Variants in GLIS3 observed in about 807,000 individuals in gnomAD.
GLIS3 encodes the protein zinc finger protein GLIS3.
A neutral mutation model predicts 78.6 loss-of-function variants in GLIS3; 53 were observed. That is an observed-to-expected ratio of 0.67 (90% CI 0.54 to 0.85). The LOEUF (loss-of-function observed/expected upper bound fraction) is 0.85, where lower values mean the gene tolerates loss of function less well. Among genes scored for constraint, GLIS3 ranks in the 40% least tolerant of loss-of-function variants. The pLI, the probability that GLIS3 is intolerant of heterozygous loss-of-function variation, is 0.00. For missense variants in GLIS3, 1,703 were observed against 1,231.1 expected, an observed-to-expected ratio of 1.38 and a Z score of -5.74; for synonymous variants, 684 against 509.9, an observed-to-expected ratio of 1.34 and a Z score of -4.60.
chr9:3,972,754 T>C (rs1818477642), intron 4 of GLIS3, among the ~76,000 whole-genome samples: 1 of 152,198 alleles, frequency 6.6e-6, no homozygotes, highest in East Asian at 1.9e-4. Context: ...TTCCTGGTAT[T>C]AGTAAGTTTA....
At chr9:3,905,146 TTC>T (rs1214709697) in intron 6 of GLIS3, among the ~76,000 whole-genome samples, 1,752 of 137,182 alleles carry the variant, frequency 0.013, 80 homozygotes, top group African/African-American at 0.047. Flanking sequence ...TTAAATTTTT[TTC>T]TTTTTTTTTT....
At position 4,243,018 on chromosome 9, in the gene GLIS3, T is replaced by C. The variant is rs1014064338; in HGVS notation, c.388+43020A>G. ...CCTTGTATGTACATCAATGAGGTTT[T>C]AGTATATTCCAGATATTCTACCATG... On this transcript the variant is annotated intron_variant, in intron 2 of 10. Transcript: ENST00000381971. Among the ~76,000 whole-genome samples, 29 of 152,218 alleles carry C rather than the reference T, an allele frequency of 1.9e-4. 1 individual carries two copies. Among genetic ancestry groups the C allele is most frequent in the Admixed American group, 1.4e-3 (21 of 15,276 alleles).
chr9:4,317,089 A>C (rs1199145514), intron 2 of GLIS3, among the ~76,000 whole-genome samples: 1 of 152,230 alleles, frequency 6.6e-6, no homozygotes, highest in Non-Finnish European at 1.5e-5. Flanking sequence ...GAGTAAAGAA[A>C]AGATGGTCTT....
chr9:4,260,205 G>C (rs1006634022), intron 2 of GLIS3, among the ~76,000 whole-genome samples: 1 of 152,194 alleles, frequency 6.6e-6, no homozygotes, highest in Non-Finnish European at 1.5e-5. Context: ...GGCCGAGGCA[G>C]GCGGATCACA....
the GLIS3 span, among the ~76,000 whole-genome samples, chr9:4,452,332 G>T: frequency 6.8e-3 from 1,033 of 152,220 alleles, 7 homozygotes; most frequent in Middle Eastern, 0.027. Flanking sequence ...GGGAAGTCAG[G>T]CAAGAGAAAG....
chr9:4,019,860 G>A (rs993241798), intron 4 of GLIS3, among the ~76,000 whole-genome samples: 3 of 152,076 alleles, frequency 2.0e-5, no homozygotes, highest in Non-Finnish European at 2.9e-5. Flanking sequence ...AGGCCACCAC[G>A]AGTCCCCCAC....
At chr9:3,866,255 A>C (rs1379995898) in intron 8 of GLIS3, among the ~76,000 whole-genome samples, 1 of 152,176 alleles carries the variant, frequency 6.6e-6, no homozygotes, top group Non-Finnish European at 1.5e-5. Context: ...CTGTAGTGTA[A>C]TAGAAGCAAT....
the GLIS3 span, among the ~76,000 whole-genome samples, chr9:4,357,436 A>ACTATCGC: frequency 2.0e-5 from 3 of 152,110 alleles, no homozygotes; most frequent in Non-Finnish European, 4.4e-5. Context: ...TAGATTTTAC[A>ACTATCGC]CTATCGCTCT....
intron 5 of GLIS3, 21 bp from the exon 6 acceptor site, chr9:3,932,491 G>A (rs537037384): frequency 6.5e-7 from 1 of 1,535,038 alleles, no homozygotes; most frequent in East Asian, 2.3e-5. Flanking sequence ...AAGAAAGAAA[G>A]AAACAGCTGT....
chr9:4,294,322 A>G (rs1328794782), intron 1 of GLIS3, among the ~76,000 whole-genome samples: 3 of 152,188 alleles, frequency 2.0e-5, no homozygotes, highest in Non-Finnish European at 2.9e-5. Flanking sequence ...CAGTCTGACT[A>G]ACACAGTGAA....
At chr9:3,882,237 C>T (rs951707971) in intron 7 of GLIS3, among the ~76,000 whole-genome samples, 3 of 152,170 alleles carry the variant, frequency 2.0e-5, no homozygotes, top group Admixed American at 6.5e-5. Context: ...CATGGAATCT[C>T]GGGGCTCAGT....
At chr9:3,928,168 A>G (rs1401701951) in intron 6 of GLIS3, among the ~76,000 whole-genome samples, 1 of 152,228 alleles carries the variant, frequency 6.6e-6, no homozygotes, top group Non-Finnish European at 1.5e-5. Context: ...GCATTCTAAT[A>G]TAGTTTCTAA....
intron 2 of GLIS3, among the ~76,000 whole-genome samples, chr9:4,152,410 T>A (rs963425377): frequency 1.3e-5 from 2 of 152,226 alleles, no homozygotes; most frequent in Non-Finnish European, 2.9e-5. Flanking sequence ...TACATTTTAA[T>A]GTAGATTATG....
the GLIS3 span, among the ~76,000 whole-genome samples, chr9:4,478,307 AATACTT>A: frequency 1.3e-5 from 2 of 152,132 alleles, no homozygotes; most frequent in South Asian, 4.1e-4. Flanking sequence ...TGTTTGTACT[AATACTT>A]TAAAAATAAA....
At chr9:4,469,225 A>C in the GLIS3 span, among the ~76,000 whole-genome samples, 2 of 152,144 alleles carry the variant, frequency 1.3e-5, no homozygotes, top group African/African-American at 4.8e-5. Context: ...TAGACAGATC[A>C]ATGAGACAGA....
intron 2 of GLIS3, among the ~76,000 whole-genome samples, chr9:4,205,719 A>G (rs1246350118): frequency 1.3e-5 from 2 of 152,336 alleles, no homozygotes; most frequent in East Asian, 3.9e-4. Flanking sequence ...TTTCAGTTAC[A>G]TGAGACAAGA....
intron 2 of GLIS3, among the ~76,000 whole-genome samples, chr9:4,211,324 A>C (rs1008396296): frequency 5.3e-5 from 8 of 152,258 alleles, no homozygotes; most frequent in African/African-American, 1.9e-4. Context: ...ATGGCTGTCA[A>C]CAGTGGGTTT....
chr9:4,479,993 G>C, the GLIS3 span, among the ~76,000 whole-genome samples: 2 of 144,790 alleles, frequency 1.4e-5, no homozygotes, highest in Non-Finnish European at 3.0e-5. Context: ...GACCTCAGGT[G>C]ATCCGCCCAC....
intron 2 of GLIS3, among the ~76,000 whole-genome samples, chr9:4,268,984 G>T (rs58510760): frequency 0.045 from 6,907 of 152,210 alleles, 359 homozygotes; most frequent in African/African-American, 0.12. Flanking sequence ...CAAAGCTCTG[G>T]TATTAAATTC....
Sources: gnomAD v4.1 joint callset for allele counts (sites outside exome capture counted in the v4.1 genomes callset) on GRCh38, gnomAD v4.1.1 for gene constraint, MANE v1.5 for transcripts, NCBI Gene and HGNC (gene_info 2026-07-23, HGNC 2026-07-21) for gene names.